The following SLC35G1 variants were observed in gnomAD, a reference collection of about 807,000 sequenced individuals.
The protein encoded by SLC35G1 is partner of STIM1.
Under a neutral mutation model 17.1 loss-of-function variants are expected in SLC35G1, and 10 were observed. The ratio of observed to expected loss-of-function variants is 0.59; its 90% CI spans 0.36 to 0.99. The LOEUF (loss-of-function observed/expected upper bound fraction) is 0.99, where lower values mean the gene tolerates loss of function less well. Ranked by LOEUF, SLC35G1 falls within the 50% of genes least tolerant of loss-of-function variation. The pLI is 0.01. For missense variants in SLC35G1, 433 were observed against 468.4 expected (o/e 0.92, Z 0.70); for synonymous variants, 185 against 181.1 (o/e 1.02, Z -0.18).
chr10:93,897,070 C>A (rs2060337315), intron 1 of SLC35G1, among the ~76,000 whole-genome samples: 1 of 152,146 alleles, frequency 6.6e-6, no homozygotes, highest in Admixed American at 6.6e-5. Flanking sequence ...TGCGTGTGTG[C>A]AGTTTATTTC....
intron 2 of SLC35G1, among the ~76,000 whole-genome samples, chr10:93,899,027 T>C (rs189751186): frequency 7.9e-5 from 12 of 152,306 alleles, no homozygotes; most frequent in African/African-American, 2.9e-4. Context: ...CCTCTTGTCT[T>C]GTATCACCCT....
At chr10:93,896,094 G>T (rs923901900) in intron 1 of SLC35G1, among the ~76,000 whole-genome samples, 3 of 151,692 alleles carry the variant, frequency 2.0e-5, no homozygotes, top group Admixed American at 2.0e-4. Flanking sequence ...GGGCTTACTC[G>T]ATCCTTTCAT....
chr10:93,898,377 GT>G (rs1258166607), intron 1 of SLC35G1, among the ~76,000 whole-genome samples, 193 bp from the exon 2 acceptor site: 1 of 152,166 alleles, frequency 6.6e-6, no homozygotes, highest in Non-Finnish European at 1.5e-5. Context: ...AAAAATGCAG[GT>G]TTAAATTGTT....
downstream of SLC35G1, chr10:93,907,873 GAGAA>G (rs1283704030): frequency 6.7e-6 from 1 of 149,398 alleles, no homozygotes; most frequent in Non-Finnish European, 1.5e-5. Flanking sequence ...GAAAAGAAAG[GAGAA>G]AGAAAAGGAG....
intron 1 of SLC35G1, among the ~76,000 whole-genome samples, chr10:93,896,313 T>TA (rs893483058): frequency 1.3e-5 from 2 of 152,172 alleles, no homozygotes; most frequent in Non-Finnish European, 2.9e-5. Flanking sequence ...TTTTAAGTGT[T>TA]ACTCAGGTGA....
At position 93,902,993 on chromosome 10, in the gene SLC35G1, A is replaced by G. The variant is rs2060403761; in HGVS notation, c.*1503A>G. On this transcript the variant is annotated 3_prime_UTR_variant, in exon 3 of 3. Transcript: ENST00000427197. Reference sequence around the variant, plus strand: ...CAGCTCTTACTGTGTCAGATGAAGCATCTGTCATTATCTTAAGCCTGCAGA... The same window carrying G: ...CAGCTCTTACTGTGTCAGATGAAGCGTCTGTCATTATCTTAAGCCTGCAGA... 1.3e-5 allele frequency: 2 copies of G among 152,208 alleles called. No homozygotes were observed. Among genetic ancestry groups the G allele is most frequent in the African/African-American group, 2.4e-5 (1 of 41,460 alleles). 9.4% of individuals were successfully genotyped at this position (152,208 alleles called of 1,614,324 possible).
intron 2 of SLC35G1, 52 bp downstream of exon 2, chr10:93,898,803 C>A: frequency 7.3e-6 from 11 of 1,509,712 alleles, no homozygotes; most frequent in Admixed American, 2.0e-5. Flanking sequence ...GTGTGTATAT[C>A]TTTTCACCTG....
intron 1 of SLC35G1, among the ~76,000 whole-genome samples, chr10:93,896,383 G>C (rs546496962): frequency 6.6e-6 from 1 of 152,270 alleles, no homozygotes; most frequent in Non-Finnish European, 1.5e-5. Context: ...GAGAAGCTGA[G>C]TAATTTTTCA....
chr10:93,901,076 A>C lies in SLC35G1; in HGVS notation c.684A>C (p.Ala228=). 1 of 1,614,136 alleles carries C rather than the reference A, an allele frequency of 6.2e-7. No homozygotes were observed. Among genetic ancestry groups the C allele is most frequent in the Non-Finnish European group, 8.5e-7 (1 of 1,179,994 alleles). ...GCCACCTTAAGGGAACATTCGCAGC[A>C]ATTGGAAGTGCCGTATTTGCTGCAT... The part of the protein sequence containing the change: ...YSGHLKGTFA[A]IGSAVFAAST... The change falls in exon 3 of 3, where the codon GCA becomes GCC. Residue 228 remains alanine (A), a synonymous_variant. Coordinates refer to ENST00000427197, the MANE Select transcript of SLC35G1 (RefSeq NM_001134658.3).
At chr10:93,896,001 T>G (rs1011838109) in intron 1 of SLC35G1, among the ~76,000 whole-genome samples, 2 of 151,876 alleles carry the variant, frequency 1.3e-5, no homozygotes, top group African/African-American at 4.8e-5. Context: ...TAATTTTTTT[T>G]TTTTTTGGAG....
At chr10:93,899,595 A>G (rs1421869424) in intron 2 of SLC35G1, among the ~76,000 whole-genome samples, 1 of 152,164 alleles carries the variant, frequency 6.6e-6, no homozygotes, top group Non-Finnish European at 1.5e-5. Flanking sequence ...AGCTTTAGTC[A>G]CTTGTCACCA....
intron 2 of SLC35G1, 43 bp from the exon 3 acceptor site, chr10:93,900,709 T>C (rs371459457): frequency 2.5e-5 from 36 of 1,453,678 alleles, no homozygotes; most frequent in Non-Finnish European, 3.3e-5. Context: ...TAAAAACAAA[T>C]ATTAATTTCA....
chr10:93,898,855 C>T, intron 2 of SLC35G1, 104 bp downstream of exon 2: 2 of 1,134,114 alleles, frequency 1.8e-6, no homozygotes, highest in South Asian at 1.7e-5. Flanking sequence ...CATATACTTA[C>T]CAGTTCCTAT....
At chr10:93,898,780 G>T (rs1488750335) in intron 2 of SLC35G1, 29 bp downstream of exon 2, 5 of 1,575,618 alleles carry the variant, frequency 3.2e-6, no homozygotes, top group East Asian at 2.2e-5. Flanking sequence ...CAAAGTAGAA[G>T]ATATTAATAA....
intron 1 of SLC35G1, among the ~76,000 whole-genome samples, chr10:93,896,059 C>T (rs1020097135): frequency 6.6e-6 from 1 of 151,838 alleles, no homozygotes; most frequent in African/African-American, 2.4e-5. Context: ...GGCGTGATCA[C>T]AGCTCACGGC....
At chr10:93,899,089 A>G (rs1329872274) in intron 2 of SLC35G1, among the ~76,000 whole-genome samples, 1 of 152,220 alleles carries the variant, frequency 6.6e-6, no homozygotes, top group African/African-American at 2.4e-5. Context: ...AAATGAATGA[A>G]AAGAAGTAAT....
chr10:93,894,045 G>A lies in SLC35G1; in HGVS notation c.12G>A (p.Gln4=). MRP[Q]DSTGVAELQE... is the part of the protein sequence containing the mutation. ...GCGCGTGCCGCGAGATGCGGCCTCAGGACAGCACCGGGGTCGCGGAGCTCC... is the reference window on the plus strand; with the variant it reads ...GCGCGTGCCGCGAGATGCGGCCTCAAGACAGCACCGGGGTCGCGGAGCTCC... Residue 4 remains glutamine (Q), a synonymous_variant, in exon 1 of 3, where the codon CAG becomes CAA. Transcript: ENST00000427197. 3 of 1,476,620 alleles carry A rather than the reference G, an allele frequency of 2.0e-6. No homozygotes were observed. The highest frequency in any genetic ancestry group is 2.7e-6 in the Non-Finnish European group (3 of 1,122,154). 91.5% of individuals were successfully genotyped at this position (1,476,620 alleles called of 1,614,324 possible). A position where few individuals can be genotyped will look rare whatever the true frequency, so the allele number is the denominator to read the frequency against.
intron 1 of SLC35G1, among the ~76,000 whole-genome samples, chr10:93,894,696 A>G (rs1159231685): frequency 6.6e-6 from 1 of 152,158 alleles, no homozygotes; most frequent in Non-Finnish European, 1.5e-5. Flanking sequence ...GGAAAGGCAG[A>G]GATAAGTGGG....
At chr10:93,907,829 A>ATAAAT (rs1470301304), downstream of SLC35G1, 3 of 151,998 alleles carry the variant, frequency 2.0e-5, no homozygotes, top group African/African-American at 7.3e-5. Context: ...ATAAAATAAA[A>ATAAAT]TTGGTGGAAC....
Sources: gnomAD v4.1 joint callset for allele counts (sites outside exome capture counted in the v4.1 genomes callset) on GRCh38, gnomAD v4.1.1 for gene constraint, MANE v1.5 for transcripts, NCBI Gene and HGNC (gene_info 2026-07-23, HGNC 2026-07-21) for gene names.